The following ANO4 variants were observed in gnomAD, a reference collection of about 807,000 sequenced individuals.
ANO4 encodes the protein anoctamin-4.
In ANO4, 69 loss-of-function variants were observed where a neutral mutation model predicts 141.9. The observed-to-expected ratio is 0.49, with a 90% CI of 0.40 to 0.59. ANO4 has a LOEUF of 0.59. Among genes scored for constraint, ANO4 ranks in the 20% least tolerant of loss-of-function variants. The pLI is 0.00. For missense variants in ANO4, 894 were observed against 1,162.2 expected (o/e 0.77, Z 3.36); for synonymous variants, 350 against 394.3 (o/e 0.89, Z 1.33).
At chr12:100,990,134 C>A (rs1185771287) in intron 8 of ANO4, among the ~76,000 whole-genome samples, 1 of 151,666 alleles carries the variant, frequency 6.6e-6, no homozygotes, top group East Asian at 1.9e-4. Flanking sequence ...TTTTATTTCA[C>A]TTCAAAGGGA....
intron 3 of ANO4, among the ~76,000 whole-genome samples, chr12:100,785,747 G>A (rs954876774): frequency 6.6e-6 from 1 of 152,126 alleles, no homozygotes; most frequent in Non-Finnish European, 1.5e-5. Context: ...TTTTCAGCTC[G>A]TTTGGGAAGA....
rs560464602 is a variant in ANO4, at chr12:100,863,397, T to C, written c.-140-38249T>C. 2.2e-4 allele frequency among the ~76,000 whole-genome samples: 34 copies of C among 152,280 alleles called. 1 individual carries two copies. The South Asian group carries it at 4.6e-3, about 20-fold the overall frequency. ...AGGCATGAAATGAAGGCATTGACTT[T>C]CAATACTCAGCTCAAGTGTTAACTC... On this transcript the variant is annotated intron_variant, in intron 1 of 27. Coordinates refer to ENST00000392977, the MANE Select transcript of ANO4 (RefSeq NM_001286615.2).
At chr12:101,126,754 G>T (rs527681139) in intron 26 of ANO4, 125 bp from the exon 27 acceptor site, 8 of 787,512 alleles carry the variant, frequency 1.0e-5, no homozygotes, top group Non-Finnish European at 1.6e-5. Context: ...CATTACACAC[G>T]CCTCCCCTGG....
intron 16 of ANO4, among the ~76,000 whole-genome samples, chr12:101,084,211 C>T (rs1032178745): frequency 2.0e-5 from 3 of 152,084 alleles, no homozygotes; most frequent in East Asian, 1.9e-4. Context: ...GTCATAACCC[C>T]GAATATGCCA....
In ANO4 at chr12:100,912,171, G is replaced by A. The variant is rs576032213; in HGVS notation, c.56-10055G>A. On this transcript the variant is annotated intron_variant, in intron 2 of 27. Transcript: ENST00000392977. ...AGCACTTTGGGAGGCTGAGGTGGGCGGATCACCTGAGGTCAGGAGTTCGAG... is the reference window on the plus strand; with the variant it reads ...AGCACTTTGGGAGGCTGAGGTGGGCAGATCACCTGAGGTCAGGAGTTCGAG... 2.0e-4 allele frequency among the ~76,000 whole-genome samples: 30 copies of A among 151,998 alleles called. No individual in the cohort carries two copies. In the South Asian group the frequency reaches 4.2e-3, roughly 21 times the overall value.
Position 100,898,825 on chromosome 12 carries a change from A to G in ANO4, c.-140-2821A>G, listed in dbSNP as rs1318969498. 2.0e-5 allele frequency among the ~76,000 whole-genome samples: 3 copies of G among 152,204 alleles called. 1 individual carries two copies. Among genetic ancestry groups the G allele is most frequent in the Admixed American group, 2.0e-4 (3 of 15,282 alleles). ...AGAGCAGTCTATTTCATATTTGCAG[A>G]CTGAGAGTGCATGTATCATCTGATG... On this transcript the variant is annotated intron_variant, in intron 1 of 27. Transcript: ENST00000392977.
intron 5 of ANO4, among the ~76,000 whole-genome samples, chr12:100,944,544 T>C (rs2042643643): frequency 6.6e-6 from 1 of 151,984 alleles, no homozygotes; most frequent in African/African-American, 2.4e-5. Flanking sequence ...TCCATATTTC[T>C]CCTTTCCTCC....
At chr12:101,122,363 T>G (rs777204035) in intron 26 of ANO4, among the ~76,000 whole-genome samples, 1 of 152,240 alleles carries the variant, frequency 6.6e-6, no homozygotes, top group Non-Finnish European at 1.5e-5. Flanking sequence ...TTTGACAGTT[T>G]CTCTTGCTGT....
chr12:101,082,761 G>C (rs1338434442), intron 15 of ANO4, among the ~76,000 whole-genome samples: 1 of 151,492 alleles, frequency 6.6e-6, no homozygotes, highest in East Asian at 1.9e-4. Flanking sequence ...CCTCTCTTCT[G>C]TCAGCTCGTT....
chr12:100,842,484 AT>A (rs2037326261), intron 1 of ANO4, among the ~76,000 whole-genome samples: 3 of 152,010 alleles, frequency 2.0e-5, no homozygotes, highest in Non-Finnish European at 4.4e-5. Context: ...GTAGGTTCCT[AT>A]TTAGAACTTC....
intron 1 of ANO4, among the ~76,000 whole-genome samples, chr12:100,870,116 G>A (rs2038958441): frequency 6.6e-6 from 1 of 152,206 alleles, no homozygotes; most frequent in South Asian, 2.1e-4. Context: ...GCCTAACCCA[G>A]TGATGATGAG....
intron 1 of ANO4, among the ~76,000 whole-genome samples, chr12:100,837,720 T>TAA (rs66789704): frequency 0.02 from 2,429 of 122,492 alleles, 105 homozygotes; most frequent in African/African-American, 0.07. Flanking sequence ...ACCTTGTCTC[T>TAA]AAAAAAAAAA....
In ANO4 at chr12:101,106,799, A is replaced by C. The variant is rs12229750; in HGVS notation, c.2150-3605A>C. The stretch of plus-strand genomic sequence containing the variant: ...TTCCATGGGTATATGGAAGTTTGTT[A>C]TATCATTCTTTATGCTTTCCAATAT... On this transcript the variant is annotated intron_variant, in intron 22 of 27. Transcript: ENST00000392977. Among the ~76,000 whole-genome samples, 155 of 151,934 alleles carry C rather than the reference A, an allele frequency of 1.0e-3. 2 individuals carry two copies. The East Asian group carries it at 0.022, about 21-fold the overall frequency.
At chr12:101,049,436 T>A (rs1016528401) in intron 14 of ANO4, among the ~76,000 whole-genome samples, 1 of 152,118 alleles carries the variant, frequency 6.6e-6, no homozygotes, top group African/African-American at 2.4e-5. Flanking sequence ...TTGTCTTGCC[T>A]AGTAGATTTA....
chr12:100,736,947 G>A (rs886663595), intron 2 of ANO4, among the ~76,000 whole-genome samples: 4 of 152,098 alleles, frequency 2.6e-5, no homozygotes, highest in African/African-American at 9.7e-5. Flanking sequence ...GCAGCCCCCA[G>A]AACCATGAGA....
At chr12:101,074,433 G>A (rs2048946224) in intron 14 of ANO4, among the ~76,000 whole-genome samples, 1 of 152,216 alleles carries the variant, frequency 6.6e-6, no homozygotes, top group Admixed American at 6.5e-5. Context: ...CAACAGGCAA[G>A]TACTACACAT....
At chr12:100,988,872 G>GAAAAAAAA (rs748666892) in intron 8 of ANO4, among the ~76,000 whole-genome samples, 19,084 of 63,584 alleles carry the variant, frequency 0.3, 3,900 homozygotes, top group East Asian at 0.4. Context: ...CTCTGTCTCA[G>GAAAAAAAA]AAAAAAAAAA....
intron 7 of ANO4, among the ~76,000 whole-genome samples, chr12:100,975,158 A>AT (rs1460591792): frequency 8.1e-5 from 12 of 148,544 alleles, no homozygotes; most frequent in African/African-American, 3.0e-4. Flanking sequence ...TTTTTAGCCC[A>AT]TTCTTTTTTT....
chr12:101,099,507 T>G, intron 21 of ANO4, 71 bp from the exon 22 acceptor site: 1 of 1,412,630 alleles, frequency 7.1e-7, no homozygotes, highest in African/African-American at 1.4e-5. Context: ...GTATTCAAAC[T>G]CTCCTTTTTC....
Sources: allele counts gnomAD v4.1 joint callset (sites outside exome capture counted in the v4.1 genomes callset), GRCh38; gene constraint gnomAD v4.1.1; transcripts MANE v1.5; gene names NCBI Gene and HGNC (gene_info 2026-07-23, HGNC 2026-07-21).